Variants in ABHD12 observed in about 807,000 individuals in gnomAD.
ABHD12 encodes abhydrolase domain containing 12, lysophospholipase.
A neutral mutation model predicts 58.3 loss-of-function variants in ABHD12; 43 were observed. That is an observed-to-expected ratio of 0.74 (90% CI 0.58 to 0.95). The LOEUF (loss-of-function observed/expected upper bound fraction) is 0.95. Ranked by LOEUF, ABHD12 falls within the 40% of genes least tolerant of loss-of-function variation. The pLI is 0.00. For missense variants in ABHD12, 539 were observed against 537.2 expected, an observed-to-expected ratio of 1.00 and a Z score of -0.03; for synonymous variants, 219 against 211.2, an observed-to-expected ratio of 1.04 and a Z score of -0.32.
At chr20:25,339,865 C>A in intron 1 of ABHD12, 1 of 889,628 alleles carries the variant, frequency 1.1e-6, no homozygotes, top group Admixed American at 3.9e-5. Context: ...AGAACTGGCA[C>A]GGTGTGTCCT....
chr20:25,335,813 G>A (rs947548525), intron 2 of ABHD12, among the ~76,000 whole-genome samples: 1 of 113,308 alleles, frequency 8.8e-6, no homozygotes, highest in African/African-American at 3.3e-5. Context: ...GTTGTGGGGT[G>A]GGGGGAGGGG....
intron 1 of ABHD12, 39 bp downstream of exon 1, chr20:25,390,474 C>CGGGGGG: frequency 2.8e-6 from 3 of 1,079,070 alleles, no homozygotes; most frequent in Non-Finnish European, 3.4e-6. Flanking sequence ...AAGTGAGGGA[C>CGGGGGG]CGGCCCCCCC....
chr20:25,359,634 A>G (rs2089718304), intron 1 of ABHD12, among the ~76,000 whole-genome samples: 1 of 151,640 alleles, frequency 6.6e-6, no homozygotes, highest in Non-Finnish European at 1.5e-5. Context: ...CAGTGGTGCG[A>G]TCTCGGCTCA....
chr20:25,328,280 A>C, intron 2 of ABHD12, among the ~76,000 whole-genome samples: 1 of 152,132 alleles, frequency 6.6e-6, no homozygotes, highest in East Asian at 1.9e-4. Context: ...TCATCCTGGG[A>C]ATTCACCACA....
At chr20:25,318,707 A>T (rs774178106) in intron 4 of ABHD12, among the ~76,000 whole-genome samples, 7 of 151,890 alleles carry the variant, frequency 4.6e-5, no homozygotes, top group Non-Finnish European at 1.0e-4. Context: ...TGCAGAACTG[A>T]ACCTTATTCA....
In ABHD12 at chr20:25,390,548, G is replaced by T; in HGVS notation, c.156C>A (p.Cys52Ter). Residue 52 changes from cysteine (C) to a stop codon, truncating the protein, a stop_gained, in exon 1 of 13, where the codon TGC becomes TGA. Transcript: ENST00000339157. LOFTEE classifies it high-confidence loss of function. ...CCCGCTTCATTCCCGCGTCGGCTGCGCAGCGCGGCTCAGCCGCCGCCGGGC... is the reference window on the plus strand; with the variant it reads ...CCCGCTTCATTCCCGCGTCGGCTGCTCAGCGCGGCTCAGCCGCCGCCGGGC... ...LTGPAAAEPR[C>*]AADAGMKRAL... The T allele has an allele frequency of 6.8e-7, 1 of 1,461,074 alleles. No individual in the cohort carries two copies. The highest frequency in any genetic ancestry group is 9.0e-7 in the Non-Finnish European group (1 of 1,112,198). The allele number at this position is 1,461,074 out of a possible 1,614,324, so 90.5% of individuals were successfully genotyped here.
intron 2 of ABHD12, among the ~76,000 whole-genome samples, chr20:25,331,754 C>T (rs11904864): frequency 1.3e-5 from 2 of 151,906 alleles, no homozygotes; most frequent in African/African-American, 4.8e-5. Context: ...CAAGCAAATG[C>T]TGAGAGATTG....
At chr20:25,352,763 G>A (rs984104609) in intron 1 of ABHD12, among the ~76,000 whole-genome samples, 10 of 152,066 alleles carry the variant, frequency 6.6e-5, no homozygotes, top group African/African-American at 2.2e-4. Context: ...ATACATACAG[G>A]CCAGGCATGG....
intron 4 of ABHD12, among the ~76,000 whole-genome samples, chr20:25,319,027 A>G (rs746607267): frequency 2.6e-5 from 4 of 152,272 alleles, no homozygotes; most frequent in Non-Finnish European, 5.9e-5. Context: ...TGCCTATAAA[A>G]TGTTTGCCCC....
At chr20:25,339,789 G>A in intron 1 of ABHD12, 2 of 1,243,438 alleles carry the variant, frequency 1.6e-6, no homozygotes, top group Non-Finnish European at 2.1e-6. Context: ...GCTCCTGGTA[G>A]GAAGCACGTA....
intron 2 of ABHD12, among the ~76,000 whole-genome samples, chr20:25,337,300 G>C (rs1452574387): frequency 6.6e-6 from 1 of 152,192 alleles, no homozygotes; most frequent in Non-Finnish European, 1.5e-5. Context: ...AAATGCCACT[G>C]TAGGCTCACC....
Position 25,325,923 on chromosome 20 carries a change from T to C in ABHD12, c.317-2493A>G, listed in dbSNP as rs58709664. On this transcript the variant is annotated intron_variant, in intron 2 of 12. Transcript: ENST00000339157. Reference sequence around the variant, plus strand: ...CCGTCTCTACTAAAAATATAAAAATTAGCCAGGCGTGGTGGTGTGCACCTA... The same window carrying C: ...CCGTCTCTACTAAAAATATAAAAATCAGCCAGGCGTGGTGGTGTGCACCTA... Among the ~76,000 whole-genome samples, 995 of 151,330 alleles carry C rather than the reference T, an allele frequency of 6.6e-3. 16 individuals are homozygous for C. The highest frequency in any genetic ancestry group is 0.023 in the African/African-American group (953 of 41,222).
chr20:25,371,462 A>G (rs1244296847), intron 1 of ABHD12, among the ~76,000 whole-genome samples: 1 of 152,016 alleles, frequency 6.6e-6, no homozygotes, highest in Non-Finnish European at 1.5e-5. Context: ...AACCCTATTC[A>G]TCTCTCTTCA....
intron 1 of ABHD12, among the ~76,000 whole-genome samples, chr20:25,348,442 T>C (rs1328109798): frequency 9.8e-6 from 1 of 102,464 alleles, no homozygotes; most frequent in Non-Finnish European, 1.9e-5. Flanking sequence ...CACAAACCAT[T>C]TGGTAAAAAA....
chr20:25,303,754 C>A (rs932058441), intron 10 of ABHD12, 126 bp from the exon 11 acceptor site: 2 of 1,335,352 alleles, frequency 1.5e-6, no homozygotes, highest in African/African-American at 1.5e-5. Context: ...TGCTGGATTT[C>A]TTTTTACTAG....
rs144144477 is a variant in ABHD12, at chr20:25,372,937, C to T, written c.191+17576G>A. On this transcript the variant is annotated intron_variant, in intron 1 of 12. Coordinates refer to ENST00000339157, the MANE Select transcript of ABHD12 (RefSeq NM_001042472.3). ...ATCATGGTAAGTGCCCTATACTGTA[C>T]TGTTTTTTATCTTTTATATTGTATT... Among the ~76,000 whole-genome samples, 37 of 152,292 alleles carry T rather than the reference C, an allele frequency of 2.4e-4. 1 individual carries two copies. In the East Asian group the frequency reaches 6.9e-3, roughly 29 times the overall value.
At chr20:25,341,181 GTGCTGTGCTC>G (rs1450535120) in intron 1 of ABHD12, among the ~76,000 whole-genome samples, 1 of 152,224 alleles carries the variant, frequency 6.6e-6, no homozygotes, top group African/African-American at 2.4e-5. Flanking sequence ...GCCCGCACTT[GTGCTGTGCTC>G]ACAGCCCAGT....
chr20:25,380,003 T>C (rs900651790), intron 1 of ABHD12, among the ~76,000 whole-genome samples: 8 of 152,246 alleles, frequency 5.3e-5, no homozygotes, highest in African/African-American at 1.9e-4. Flanking sequence ...GGAGTACAGG[T>C]GTGTGCCACC....
At chr20:25,332,490 C>G (rs1361906239) in intron 2 of ABHD12, among the ~76,000 whole-genome samples, 4 of 151,558 alleles carry the variant, frequency 2.6e-5, no homozygotes, top group Non-Finnish European at 4.4e-5. Context: ...CACCCCAAAT[C>G]AACAGAATAT....
Sources: allele counts gnomAD v4.1 joint callset (sites outside exome capture counted in the v4.1 genomes callset), GRCh38; gene constraint gnomAD v4.1.1; transcripts MANE v1.5; gene names NCBI Gene and HGNC (gene_info 2026-07-23, HGNC 2026-07-21).